The following RNF38 variants were observed in gnomAD, a reference collection of about 807,000 sequenced individuals.
RNF38 encodes ring finger protein 38.
In RNF38, 15 loss-of-function variants were observed where a neutral mutation model predicts 67.2. The observed-to-expected ratio is 0.22, with a 90% CI of 0.15 to 0.34. The LOEUF is 0.34. Ranked by LOEUF, RNF38 falls within the 10% of genes least tolerant of loss-of-function variation. RNF38 has a pLI of 1.00. For missense variants in RNF38, 524 were observed against 639.9 expected (o/e 0.82, Z 1.95); for synonymous variants, 220 against 218.8 (o/e 1.01, Z -0.05).
chr9:36,449,670 T>C (rs986415353), intron 1 of RNF38, among the ~76,000 whole-genome samples: 36 of 152,208 alleles, frequency 2.4e-4, no homozygotes, highest in African/African-American at 8.7e-4. Context: ...CTCCGAATCT[T>C]GTGATCCGCC....
At chr9:36,475,905 A>T (rs950372418) in intron 1 of RNF38, among the ~76,000 whole-genome samples, 15 of 149,812 alleles carry the variant, frequency 1.0e-4, no homozygotes, top group Non-Finnish European at 1.9e-4. Flanking sequence ...GCTACTCTGG[A>T]GGCTGAAGCA....
chr9:36,392,625 C>A (rs778355637), intron 1 of RNF38, among the ~76,000 whole-genome samples: 12 of 152,028 alleles, frequency 7.9e-5, no homozygotes, highest in Non-Finnish European at 1.8e-4. Flanking sequence ...ATTAGTGTGG[C>A]ATGGTGGCAC....
intron 2 of RNF38, among the ~76,000 whole-genome samples, chr9:36,416,740 ATATTTTT>A (rs1838481020): frequency 4.1e-5 from 3 of 73,056 alleles, no homozygotes; most frequent in South Asian, 1.0e-3. Context: ...TGCTGCCTCG[ATATTTTT>A]TTTTTTTTTT....
exon 1 of RNF38, chr9:36,487,399 G>A: frequency 1.0e-6 from 1 of 982,432 alleles, no homozygotes; most frequent in Non-Finnish European, 1.2e-6. Flanking sequence ...CCGTGGCGGC[G>A]GGCTCCGGCC....
intron 6 of RNF38, 77 bp downstream of exon 6, chr9:36,356,226 A>T: frequency 7.2e-7 from 1 of 1,383,982 alleles, no homozygotes; most frequent in Non-Finnish European, 1.0e-6. Flanking sequence ...AAGGTTATAT[A>T]CCTGGCCTAA....
intron 3 of RNF38, among the ~76,000 whole-genome samples, chr9:36,372,155 T>C (rs1016283816): frequency 6.6e-6 from 1 of 152,070 alleles, no homozygotes; most frequent in Non-Finnish European, 1.5e-5. Context: ...GGTCTTGAAC[T>C]CCCGACCTTG....
intron 6 of RNF38, among the ~76,000 whole-genome samples, chr9:36,354,736 C>T (rs568860566): frequency 3.9e-5 from 6 of 152,296 alleles, no homozygotes; most frequent in South Asian, 2.1e-4. Context: ...CATTTGTGTA[C>T]ACATTTTCAT....
At chr9:36,452,907 G>A (rs181358164) in intron 1 of RNF38, among the ~76,000 whole-genome samples, 3 of 152,194 alleles carry the variant, frequency 2.0e-5, no homozygotes, top group South Asian at 4.2e-4. Flanking sequence ...TCAGCGGAAG[G>A]GCATTTGAAT....
intron 11 of RNF38, among the ~76,000 whole-genome samples, chr9:36,340,396 C>T (rs192293395): frequency 3.3e-5 from 5 of 152,232 alleles, no homozygotes; most frequent in Non-Finnish European, 7.4e-5. Context: ...TTTTTTCCCC[C>T]GTTTTTTGAG....
Position 36,356,369 on chromosome 9 carries a change from G to A in RNF38, c.843C>T (p.Pro281=), listed in dbSNP as rs752932789. 1.5e-5 allele frequency: 25 copies of A among 1,613,892 alleles called. No homozygotes were observed. In the African/African-American group the frequency reaches 2.8e-4, roughly 18 times the overall value. Residue 281 remains proline, a synonymous_variant, in exon 6 of 12, where the codon CCC becomes CCT. Coordinates refer to ENST00000259605, the MANE Select transcript of RNF38 (RefSeq NM_022781.5). ...GTGGTGGCAAATGAGGAGGATGATG[G>A]GGAGAAAGGTGAGGAGGATGTATAA... ...PFLIHPPHLS[P]HHPPHLPPPG... is the part of the protein sequence containing the mutation.
intron 1 of RNF38, among the ~76,000 whole-genome samples, chr9:36,475,827 C>T (rs1840108369): frequency 6.6e-6 from 1 of 150,594 alleles, no homozygotes; most frequent in Non-Finnish European, 1.5e-5. Flanking sequence ...ACCAACCTGG[C>T]CAATATGGGG....
intron 1 of RNF38, among the ~76,000 whole-genome samples, chr9:36,393,899 C>T (rs973181672): frequency 7.2e-5 from 11 of 152,104 alleles, no homozygotes; most frequent in East Asian, 1.9e-4. Flanking sequence ...CACCAGTTGA[C>T]GACCAGCAAG....
chr9:36,402,563 G>A (rs989434046), upstream of RNF38, among the ~76,000 whole-genome samples: 1 of 151,896 alleles, frequency 6.6e-6, no homozygotes, highest in Non-Finnish European at 1.5e-5. Flanking sequence ...TCCAAGCTTG[G>A]ATAGGACTAT....
Position 36,422,747 on chromosome 9 carries a change from TTAA to T in RNF38, n.312+1863_312+1865del, listed in dbSNP as rs1185048909. On this transcript the variant is annotated intron_variant and non_coding_transcript_variant, in intron 2 of 3. Transcript: ENST00000488058. ...CTTTACCCTGCTGATCTCCTGTTCC[TTAA>T]TAATATTCCTTAAACTTCTCTTCCC... Among the ~76,000 whole-genome samples, 5 of 152,366 alleles carry T rather than the reference TTAA, an allele frequency of 3.3e-5. No individual in the cohort carries two copies. The East Asian group carries it at 9.6e-4, about 29-fold the overall frequency.
intron 1 of RNF38, among the ~76,000 whole-genome samples, chr9:36,395,837 C>A (rs564947982): frequency 6.6e-6 from 1 of 152,112 alleles, no homozygotes; most frequent in Non-Finnish European, 1.5e-5. Context: ...AGTAAAATTA[C>A]GGTACACTTG....
At chr9:36,358,193 A>G (rs1834268921) in intron 4 of RNF38, among the ~76,000 whole-genome samples, 1 of 152,218 alleles carries the variant, frequency 6.6e-6, no homozygotes, top group South Asian at 2.1e-4. Context: ...CCAGGGAAAT[A>G]ATGGATTACT....
intron 1 of RNF38, among the ~76,000 whole-genome samples, chr9:36,470,553 C>T (rs1839972781): frequency 6.6e-6 from 1 of 152,150 alleles, no homozygotes; most frequent in South Asian, 2.1e-4. Context: ...GAAATTTATT[C>T]CGCTTAGATG....
In RNF38 at chr9:36,393,516, TGTGTGTGG is replaced by T. The variant is rs1439288177; in HGVS notation, c.13-2908_13-2901del. Among the ~76,000 whole-genome samples the T allele has an allele frequency of 5.7e-3, 827 of 143,946 alleles. 4 individuals are homozygous for T. The highest frequency in any genetic ancestry group is 7.8e-3 in the African/African-American group (284 of 36,564). 94.4% of individuals were successfully genotyped at this position (143,946 alleles called of 152,430 possible). On this transcript the variant is annotated intron_variant, in intron 1 of 11. Transcript: ENST00000259605. ...GTGTGTGTGTGTGTGTGTGTGTGTG[TGTGTGTGG>T]GGCAGGCAGTCCCATACATAGGTTG...
At chr9:36,385,053 T>C (rs973392084) in intron 2 of RNF38, among the ~76,000 whole-genome samples, 1 of 152,302 alleles carries the variant, frequency 6.6e-6, no homozygotes, top group African/African-American at 2.4e-5. Flanking sequence ...TCAACATGAA[T>C]TGTTCTATGC....
Sources: allele counts gnomAD v4.1 joint callset (sites outside exome capture counted in the v4.1 genomes callset), GRCh38; gene constraint gnomAD v4.1.1; transcripts MANE v1.5; gene names NCBI Gene and HGNC (gene_info 2026-07-23, HGNC 2026-07-21).